Variants in SNTG1 observed in about 807,000 individuals in gnomAD.
SNTG1 encodes the protein syntrophin gamma 1.
In SNTG1, 39 loss-of-function variants were observed where a neutral mutation model predicts 74.7. The ratio of observed to expected loss-of-function variants is 0.52; its 90% CI spans 0.40 to 0.68. The LOEUF (loss-of-function observed/expected upper bound fraction) is 0.68. Among genes scored for constraint, SNTG1 ranks in the 30% least tolerant of loss-of-function variants. SNTG1 has a pLI of 0.00. For synonymous variants in SNTG1, 254 were observed against 217.1 expected (o/e 1.17, Z -1.49); for missense variants, 685 against 609.5 (o/e 1.12, Z -1.30).
At position 50,470,121 on chromosome 8, in the gene SNTG1, C is replaced by T. The variant is rs1174722898; in HGVS notation, c.363+19392C>T. 2.6e-5 allele frequency among the ~76,000 whole-genome samples: 4 copies of T among 152,318 alleles called. No homozygotes were observed. The East Asian group carries it at 7.7e-4, about 29-fold the overall frequency. ...ATTCCAAGACAATTGGGAAATAGGT[C>T]CTTGTCTAGAACAACAAAAATGAAT... is the stretch of plus-strand genomic sequence containing the variant. On this transcript the variant is annotated intron_variant, in intron 8 of 18. Transcript: ENST00000642720.
chr8:50,070,949 C>A (rs1031255853), intron 1 of SNTG1, among the ~76,000 whole-genome samples: 4 of 152,164 alleles, frequency 2.6e-5, no homozygotes, highest in Admixed American at 6.6e-5. Flanking sequence ...TTGCCACAGT[C>A]ATTTAGCTGC....
intron 1 of SNTG1, among the ~76,000 whole-genome samples, chr8:49,934,687 A>G (rs1446584597): frequency 6.6e-6 from 1 of 152,232 alleles, no homozygotes; most frequent in East Asian, 1.9e-4. Flanking sequence ...GACAAGTCCT[A>G]TGACATTTCA....
intron 1 of SNTG1, among the ~76,000 whole-genome samples, chr8:49,982,349 T>C (rs1176527726): frequency 6.6e-6 from 1 of 152,066 alleles, no homozygotes; most frequent in Non-Finnish European, 1.5e-5. Context: ...TCAGTAAATG[T>C]TTTTGGCATT....
At chr8:50,317,805 T>G (rs1433435164) in intron 2 of SNTG1, among the ~76,000 whole-genome samples, 1 of 152,180 alleles carries the variant, frequency 6.6e-6, no homozygotes, top group African/African-American at 2.4e-5. Flanking sequence ...TTAAGTACTA[T>G]CTCTATGACA....
intron 9 of SNTG1, among the ~76,000 whole-genome samples, 178 bp downstream of exon 9, chr8:50,503,058 T>C (rs568563739): frequency 6.6e-6 from 1 of 152,168 alleles, no homozygotes; most frequent in African/African-American, 2.4e-5. Context: ...TTATTTTTCT[T>C]GAAGAATAGA....
intron 1 of SNTG1, among the ~76,000 whole-genome samples, chr8:49,932,257 T>G (rs1807662688): frequency 6.6e-6 from 1 of 152,126 alleles, no homozygotes; most frequent in African/African-American, 2.4e-5. Flanking sequence ...ATTTGTTGAG[T>G]GAGTGAAGGT....
chr8:50,732,806 G>A (rs1374975906), intron 17 of SNTG1, among the ~76,000 whole-genome samples: 1 of 152,030 alleles, frequency 6.6e-6, no homozygotes, highest in Non-Finnish European at 1.5e-5. Context: ...AACAGTCTCT[G>A]TAATATTAAT....
chr8:50,644,726 C>G (rs4401874), intron 13 of SNTG1, among the ~76,000 whole-genome samples: 34,576 of 151,950 alleles, frequency 0.23, 4,592 homozygotes, highest in African/African-American at 0.36. Flanking sequence ...ACTGTAATTT[C>G]TGAGATACAT....
At chr8:50,361,161 G>T (rs2091944314) in intron 2 of SNTG1, among the ~76,000 whole-genome samples, 1 of 151,446 alleles carries the variant, frequency 6.6e-6, no homozygotes, top group African/African-American at 2.4e-5. Flanking sequence ...AAAATAGTTT[G>T]TTGGAAACTA....
Position 50,502,895 on chromosome 8 carries a change from A to G in SNTG1, c.466+15A>G. ...AGATTGTGCATGTAAGCATTTATAA[A>G]GAATAGATAAAAGTGCTCACATCAT... On this transcript the variant is annotated intron_variant, in intron 9 of 18. Coordinates refer to ENST00000642720, the MANE Select transcript of SNTG1 (RefSeq NM_018967.5). 1 of 1,583,652 alleles carries G rather than the reference A, an allele frequency of 6.3e-7. No homozygotes were observed. Among genetic ancestry groups the G allele is most frequent in the African/African-American group, 1.3e-5 (1 of 74,316 alleles).
At chr8:50,173,095 C>T (rs985023670) in intron 2 of SNTG1, among the ~76,000 whole-genome samples, 28 of 149,822 alleles carry the variant, frequency 1.9e-4, no homozygotes, top group African/African-American at 5.9e-4. Context: ...GGTTGCGATG[C>T]TTGGCAGGGT....
chr8:50,008,993 T>G (rs572338572), intron 1 of SNTG1, among the ~76,000 whole-genome samples: 24 of 151,098 alleles, frequency 1.6e-4, no homozygotes, highest in African/African-American at 5.8e-4. Context: ...ACAGTTTGCC[T>G]CTTATAGGGA....
chr8:50,063,647 T>C (rs909161363), intron 1 of SNTG1, among the ~76,000 whole-genome samples: 3 of 152,202 alleles, frequency 2.0e-5, no homozygotes, highest in Non-Finnish European at 2.9e-5. Context: ...TAAATAGAAA[T>C]AGTTTCCATC....
intron 8 of SNTG1, among the ~76,000 whole-genome samples, chr8:50,458,445 G>C (rs2093528578): frequency 6.6e-6 from 1 of 151,948 alleles, no homozygotes. Context: ...AAACAAGAAG[G>C]TGATATGACA....
intron 1 of SNTG1, among the ~76,000 whole-genome samples, chr8:50,028,021 T>C (rs1664301053): frequency 6.6e-6 from 1 of 152,196 alleles, no homozygotes; most frequent in African/African-American, 2.4e-5. Context: ...ACATTGTGTG[T>C]GTGTAGTTCT....
chr8:50,422,096 T>A (rs2093095687), intron 4 of SNTG1, among the ~76,000 whole-genome samples: 1 of 152,158 alleles, frequency 6.6e-6, no homozygotes. Flanking sequence ...CCTGATTGCA[T>A]TAATGGAGAT....
At chr8:50,462,903 G>A (rs888331526) in intron 8 of SNTG1, among the ~76,000 whole-genome samples, 10 of 132,782 alleles carry the variant, frequency 7.5e-5, no homozygotes, top group African/African-American at 1.7e-4. Flanking sequence ...TGTAACTGCC[G>A]CCTCCCAGGT....
intron 1 of SNTG1, among the ~76,000 whole-genome samples, chr8:49,971,159 AG>A (rs1157907903): frequency 1.3e-5 from 2 of 152,174 alleles, no homozygotes; most frequent in Non-Finnish European, 1.5e-5. Context: ...CACATCAAAA[AG>A]CTTATTCACC....
intron 15 of SNTG1, among the ~76,000 whole-genome samples, chr8:50,670,318 G>T (rs1044965734): frequency 9.2e-5 from 14 of 151,556 alleles, no homozygotes; most frequent in Non-Finnish European, 1.8e-4. Context: ...AAAATCTCCT[G>T]AAGCTGATAA....
Sources: allele counts gnomAD v4.1 joint callset (sites outside exome capture counted in the v4.1 genomes callset), GRCh38; gene constraint gnomAD v4.1.1; transcripts MANE v1.5; gene names NCBI Gene and HGNC (gene_info 2026-07-23, HGNC 2026-07-21).